The following GHR variants were observed in gnomAD, a reference collection of about 807,000 sequenced individuals.
The protein encoded by GHR is GH receptor.
A neutral mutation model predicts 67.1 loss-of-function variants in GHR; 35 were observed. That is an observed-to-expected ratio of 0.52 (90% CI 0.40 to 0.69). GHR has a LOEUF of 0.69. Among genes scored for constraint, GHR ranks in the 30% least tolerant of loss-of-function variants. The pLI is 0.00. For synonymous variants in GHR, 272 were observed against 269.1 expected, an observed-to-expected ratio of 1.01 and a Z score of -0.10; for missense variants, 792 against 764.6, an observed-to-expected ratio of 1.04 and a Z score of -0.42.
intron 1 of GHR, among the ~76,000 whole-genome samples, chr5:42,539,611 CCT>C (rs1483435541): frequency 6.6e-6 from 1 of 152,152 alleles, no homozygotes; most frequent in East Asian, 1.9e-4. Flanking sequence ...TTCTGTGGGT[CCT>C]CTCGGGATTC....
chr5:42,503,240 G>A (rs1746617755), intron 1 of GHR, among the ~76,000 whole-genome samples: 1 of 152,160 alleles, frequency 6.6e-6, no homozygotes, highest in Admixed American at 6.5e-5. Flanking sequence ...TTTAGGAAAT[G>A]CCTTTGACCT....
In GHR at chr5:42,699,886, C is replaced by T. The variant is rs865966364; in HGVS notation, c.502C>T (p.His168Tyr). The change falls in exon 6 of 10, where the codon CAT (histidine) becomes TAT (tyrosine). Residue 168 changes from histidine (H) to tyrosine (Y), a missense_variant. Transcript: ENST00000230882. ...TLLNVSLTGI[H>Y]ADIQVRWEAP... The stretch of plus-strand genomic sequence containing the variant: ...ACTGAACGTCAGTTTAACTGGGATT[C>T]ATGCAGATATCCAAGTGAGATGGGA... The T allele has an allele frequency of 6.2e-7, 1 of 1,603,378 alleles. No individual in the cohort carries two copies. Among genetic ancestry groups the T allele is most frequent in the Non-Finnish European group, 8.5e-7 (1 of 1,170,258 alleles).
chr5:42,672,751 A>G (rs530943827), intron 3 of GHR, among the ~76,000 whole-genome samples: 4 of 152,298 alleles, frequency 2.6e-5, no homozygotes, highest in Admixed American at 2.0e-4. Flanking sequence ...GATATATATT[A>G]TATCTCAAGC....
intron 1 of GHR, among the ~76,000 whole-genome samples, chr5:42,540,426 A>T (rs997012734): frequency 6.6e-5 from 10 of 152,222 alleles, no homozygotes; most frequent in African/African-American, 2.4e-4. Context: ...AAACATTCAC[A>T]GAACATAAAC....
chr5:42,486,575 CGGT>C (rs1023164512), intron 1 of GHR, among the ~76,000 whole-genome samples: 1 of 152,150 alleles, frequency 6.6e-6, no homozygotes, highest in African/African-American at 2.4e-5. Flanking sequence ...TGGCCGGGCA[CGGT>C]GGCTTACGCC....
In GHR at chr5:42,697,666, G is replaced by A. The variant is rs4637559; in HGVS notation, c.440-2158G>A. Among the ~76,000 whole-genome samples, 289 of 152,032 alleles carry A rather than the reference G, an allele frequency of 1.9e-3. 1 individual carries two copies. The highest frequency in any genetic ancestry group is 2.7e-3 in the Non-Finnish European group (181 of 67,978). On this transcript the variant is annotated intron_variant, in intron 5 of 9. Transcript: ENST00000230882. ...GAGGAGACTGGTATGAGACCAAATC[G>A]CACAGACAAGACAGTCAAATCTACC... is the stretch of plus-strand genomic sequence containing the variant.
In GHR at chr5:42,519,504, C is replaced by A. The variant is rs138604259; in HGVS notation, c.-11-46360C>A. Reference sequence around the variant, plus strand: ...ACAATCAGGGCACACATAAAAAGCTCTGATGTAGTTTTATAGATGGCCAAA... The same window carrying A: ...ACAATCAGGGCACACATAAAAAGCTATGATGTAGTTTTATAGATGGCCAAA... On this transcript the variant is annotated intron_variant, in intron 1 of 9. Transcript: ENST00000230882. 2.6e-5 allele frequency among the ~76,000 whole-genome samples: 4 copies of A among 152,274 alleles called. No homozygotes were observed. The East Asian group carries it at 7.7e-4, about 29-fold the overall frequency.
intron 4 of GHR, 152 bp downstream of exon 4, chr5:42,689,171 C>G: frequency 1.3e-6 from 1 of 787,106 alleles, no homozygotes; most frequent in South Asian, 1.5e-5. Flanking sequence ...AAATATTAAT[C>G]AAGCCCATCC....
intron 1 of GHR, among the ~76,000 whole-genome samples, chr5:42,427,825 G>A (rs985582897): frequency 6.6e-6 from 1 of 152,194 alleles, no homozygotes; most frequent in Non-Finnish European, 1.5e-5. Flanking sequence ...AAACAGAGGG[G>A]CTATAGGTGC....
At chr5:42,709,815 T>G (rs1758364362) in intron 6 of GHR, among the ~76,000 whole-genome samples, 1 of 152,004 alleles carries the variant, frequency 6.6e-6, no homozygotes, top group African/African-American at 2.4e-5. Flanking sequence ...GAGAAACAGT[T>G]CCCCGCACAG....
At chr5:42,468,813 G>A in intron 1 of GHR, 2 of 1,034,346 alleles carry the variant, frequency 1.9e-6, no homozygotes, top group East Asian at 2.6e-5. Flanking sequence ...CAAATAACTG[G>A]TCGAATCGGT....
At chr5:42,440,422 A>G (rs889548892) in intron 1 of GHR, among the ~76,000 whole-genome samples, 2 of 152,218 alleles carry the variant, frequency 1.3e-5, no homozygotes, top group African/African-American at 2.4e-5. Flanking sequence ...GAAGATACTT[A>G]GTACTTCTGA....
intron 3 of GHR, among the ~76,000 whole-genome samples, chr5:42,635,013 A>C (rs912554797): frequency 2.8e-4 from 43 of 152,210 alleles, no homozygotes; most frequent in African/African-American, 8.9e-4. Context: ...AAAACAAAAA[A>C]AAAAAAACTT....
chr5:42,707,832 C>A (rs1020368739), intron 6 of GHR, among the ~76,000 whole-genome samples: 1 of 152,004 alleles, frequency 6.6e-6, no homozygotes, highest in Non-Finnish European at 1.5e-5. Context: ...ACACTTACAT[C>A]TTTTTATATT....
intron 1 of GHR, among the ~76,000 whole-genome samples, chr5:42,524,793 T>C (rs1209851325): frequency 6.6e-6 from 1 of 152,178 alleles, no homozygotes; most frequent in African/African-American, 2.4e-5. Context: ...ATGTCCCACC[T>C]GCTCCAGCTG....
chr5:42,706,751 C>T (rs1758195712), intron 6 of GHR, among the ~76,000 whole-genome samples: 1 of 151,834 alleles, frequency 6.6e-6, no homozygotes, highest in South Asian at 2.1e-4. Flanking sequence ...TATGTGTCTT[C>T]TTTTTTAACC....
At chr5:42,503,630 A>C (rs1746632558) in intron 1 of GHR, among the ~76,000 whole-genome samples, 1 of 152,192 alleles carries the variant, frequency 6.6e-6, no homozygotes, top group African/African-American at 2.4e-5. Context: ...CCTTTCTTAC[A>C]TTTTGTGAAG....
intron 3 of GHR, chr5:42,646,269 C>A (rs1234918911): frequency 2.3e-6 from 1 of 441,634 alleles, no homozygotes; most frequent in Non-Finnish European, 4.5e-6. Context: ...TAGCTGATTA[C>A]AAATGAACCC....
intron 2 of GHR, among the ~76,000 whole-genome samples, chr5:42,576,141 A>AGTAAAGTAAAGTAAAGT (rs1473733015): frequency 1.6e-4 from 15 of 94,704 alleles, no homozygotes; most frequent in African/African-American, 6.9e-4. Flanking sequence ...AATAAAATAA[A>AGTAAAGTAAAGTAAAGT]ATAGTAAAGT....
Sources: gnomAD v4.1 joint callset for allele counts (sites outside exome capture counted in the v4.1 genomes callset) on GRCh38, gnomAD v4.1.1 for gene constraint, MANE v1.5 for transcripts, NCBI Gene and HGNC (gene_info 2026-07-23, HGNC 2026-07-21) for gene names.